The following PRKCG variants were observed in gnomAD, a reference collection of about 807,000 sequenced individuals.
PRKCG encodes the protein protein kinase C gamma type.
A neutral mutation model predicts 82.0 loss-of-function variants in PRKCG; 28 were observed. The ratio of observed to expected loss-of-function variants is 0.34; its 90% CI spans 0.25 to 0.47. The LOEUF (loss-of-function observed/expected upper bound fraction) is 0.47. Ranked by LOEUF, PRKCG falls within the 20% of genes least tolerant of loss-of-function variation. The probability of loss-of-function intolerance (pLI) is 1.00; values close to 1 mark genes in which losing one functional copy is unlikely to be tolerated. For synonymous variants in PRKCG, 383 were observed against 376.6 expected, an observed-to-expected ratio of 1.02 and a Z score of -0.20; for missense variants, 640 against 952.7, an observed-to-expected ratio of 0.67 and a Z score of 4.32.
chr19:53,893,480 CA>C, intron 9 of PRKCG, 89 bp downstream of exon 9: 2 of 1,372,314 alleles, frequency 1.5e-6, no homozygotes, highest in South Asian at 2.3e-5. Context: ...TTCAATTCCC[CA>C]CACATGAGTT....
chr19:53,896,138 A>G (rs2123004971), intron 9 of PRKCG, among the ~76,000 whole-genome samples: 1 of 151,812 alleles, frequency 6.6e-6, no homozygotes, highest in East Asian at 1.9e-4. Context: ...CCAAAGAGGT[A>G]GAGTCTTTTG....
rs970896070 is a variant in PRKCG, at chr19:53,883,016, T to C, written c.171-147T>C. ...AAGAAGGGCTGGGGGCCAAAATTTC[T>C]GGGTTCTAGAAAGAGGAGGTGGCCG... On this transcript the variant is annotated intron_variant, in intron 1 of 17. Coordinates refer to ENST00000263431, the MANE Select transcript of PRKCG (RefSeq NM_002739.5). The surrounding 1 kb of genome is among the most constrained non-coding windows in gnomAD (Gnocchi z 5.4). The C allele has an allele frequency of 2.2e-5, 23 of 1,038,962 alleles. No homozygotes were observed. The Admixed American group carries it at 4.1e-4, about 19-fold the overall frequency. 64.4% of individuals were successfully genotyped at this position (1,038,962 alleles called of 1,614,324 possible). A position where few individuals can be genotyped will look rare whatever the true frequency, so the allele number is the denominator to read the frequency against.
intron 3 of PRKCG, among the ~76,000 whole-genome samples, chr19:53,887,843 A>T (rs2122984635): frequency 6.6e-6 from 1 of 151,978 alleles, no homozygotes; most frequent in East Asian, 1.9e-4. Context: ...AAAAAAAAAA[A>T]AAAAAAAGTA....
At position 53,904,546 on chromosome 19, in the gene PRKCG, A is replaced by G. The variant is rs529593095; in HGVS notation, c.1657-89A>G. On this transcript the variant is annotated intron_variant, in intron 15 of 17. Transcript: ENST00000263431. ...ATGTGGGGCGTGTGATGGGTCAGGC[A>G]TGTTCCCGGTGGGGTGAGGAGGGTG... 2.6e-6 allele frequency: 3 copies of G among 1,135,216 alleles called. No homozygotes were observed. In the South Asian group the frequency reaches 4.0e-5, roughly 15 times the overall value. 70.3% of individuals were successfully genotyped at this position (1,135,216 alleles called of 1,614,324 possible).
intron 14 of PRKCG, 54 bp from the exon 15 acceptor site, chr19:53,903,019 G>C: frequency 7.1e-7 from 1 of 1,408,050 alleles, no homozygotes; most frequent in South Asian, 1.1e-5. Flanking sequence ...GGCCAGAGGG[G>C]TCCTAGGCTT....
At chr19:53,904,122 A>G (rs1280261383) in intron 15 of PRKCG, among the ~76,000 whole-genome samples, 1 of 152,050 alleles carries the variant, frequency 6.6e-6, no homozygotes, top group Non-Finnish European at 1.5e-5. Context: ...TTGGCCGGAC[A>G]TGGTGGCTCA....
Position 53,892,486 on chromosome 19 carries a change from C to T in PRKCG, c.687-23C>T. 1.2e-6 allele frequency: 2 copies of T among 1,606,112 alleles called. No homozygotes were observed. Among genetic ancestry groups the T allele is most frequent in the Non-Finnish European group, 1.7e-6 (2 of 1,178,138 alleles). On this transcript the variant is annotated intron_variant, in intron 6 of 17. Transcript: ENST00000263431. The surrounding 1 kb of genome is among the most constrained non-coding windows in gnomAD (Gnocchi z 5.9). ...GGAGCCATGAGCTCGGCTCTGCACC[C>T]CATCCACCCCACCTTCCTGCAGCAA... is the stretch of plus-strand genomic sequence containing the variant.
At chr19:53,894,344 C>T (rs1468421073) in intron 9 of PRKCG, among the ~76,000 whole-genome samples, 1 of 151,814 alleles carries the variant, frequency 6.6e-6, no homozygotes, top group African/African-American at 2.4e-5. Context: ...GGATTACAGG[C>T]GTGAGCCACC....
At chr19:53,898,913 T>G in intron 11 of PRKCG, among the ~76,000 whole-genome samples, 1 of 66,826 alleles carries the variant, frequency 1.5e-5, no homozygotes, top group South Asian at 6.6e-4. Flanking sequence ...GAGGGACTCA[T>G]CGGGGGCGTG....
chr19:53,882,673 A>G lies in PRKCG; in HGVS notation c.170+9A>G, dbSNP rs2068601734. On this transcript the variant is annotated intron_variant, in intron 1 of 17. Coordinates refer to ENST00000263431, the MANE Select transcript of PRKCG (RefSeq NM_002739.5). The surrounding 1 kb of genome is among the most constrained non-coding windows in gnomAD (Gnocchi z 6.1). ...TGCACCGACTTCATCTGGTGAGGGA[A>G]GGGGGCTGGGGGACTGGGGGACGAG... is the stretch of plus-strand genomic sequence containing the variant. 9.9e-7 allele frequency: 1 copy of G among 1,006,108 alleles called. No individual in the cohort carries two copies. The highest frequency in any genetic ancestry group is 1.4e-6 in the Non-Finnish European group (1 of 691,514). The allele number at this position is 1,006,108 out of a possible 1,614,324, so 62.3% of individuals were successfully genotyped here. A position where few individuals can be genotyped will look rare whatever the true frequency, so the allele number is the denominator to read the frequency against.
chr19:53,881,105 A>T (rs113836142), upstream of PRKCG, among the ~76,000 whole-genome samples: 758 of 81,026 alleles, frequency 9.4e-3, 10 homozygotes, highest in African/African-American at 0.025. Context: ...ACTGAGTCAT[A>T]GACAGGAGAG....
Position 53,906,587 on chromosome 19 carries a change from G to A in PRKCG, c.1906-120G>A, listed in dbSNP as rs1409535040. The A allele has an allele frequency of 2.6e-6, 4 of 1,556,852 alleles. No individual in the cohort carries two copies. In the East Asian group the frequency reaches 9.0e-5, roughly 35 times the overall value. ...CCCGCCCCCAACAAAAGGAGGTGCA[G>A]ACACCATGAAGCATGAATAGAGATT... On this transcript the variant is annotated intron_variant, in intron 17 of 17. Transcript: ENST00000263431.
intron 9 of PRKCG, among the ~76,000 whole-genome samples, chr19:53,895,590 G>A (rs906445884): frequency 4.6e-5 from 7 of 151,998 alleles, no homozygotes; most frequent in Admixed American, 3.9e-4. Context: ...TTTCACCAGA[G>A]TTTTTAATGT....
chr19:53,906,324 C>T lies in PRKCG; in HGVS notation c.1772C>T (p.Thr591Ile). The T allele has an allele frequency of 6.4e-7, 1 of 1,551,432 alleles. No individual in the cohort carries two copies. The highest frequency in any genetic ancestry group is 8.7e-7 in the Non-Finnish European group (1 of 1,146,958). ...EAVAICKGFL[T>I]KHPGKRLGSG... Reference sequence around the variant, plus strand: ...TCTCTGTGTTTCCCACAGTTCCTGACCAAGCACCCAGGGAAGCGCCTGGGC... The same window carrying T: ...TCTCTGTGTTTCCCACAGTTCCTGATCAAGCACCCAGGGAAGCGCCTGGGC... Residue 591 changes from threonine (T) to isoleucine (I), a missense_variant, in exon 17 of 18, where the codon ACC (threonine) becomes ATC (isoleucine). Around this residue, in one of 7 missense-constraint regions of PRKCG, gnomAD observed 198 missense variants for 273.4 expected, o/e 0.72. Coordinates refer to ENST00000263431, the MANE Select transcript of PRKCG (RefSeq NM_002739.5).
At position 53,892,359 on chromosome 19, in the gene PRKCG, C is replaced by A; in HGVS notation, c.687-150C>A. ...CCCAAAGCCCTAGCTGGAGAGAGAG[C>A]CCGGCTGGGAAGGTCAGAGGTCGGA... On this transcript the variant is annotated intron_variant, in intron 6 of 17. Transcript: ENST00000263431. This position sits in a 1 kb window ranked among gnomAD's most constrained non-coding sequence, Gnocchi z 5.9. The A allele has an allele frequency of 8.3e-7, 1 of 1,200,924 alleles. No homozygotes were observed. The highest frequency in any genetic ancestry group is 2.2e-5 in the Admixed American group (1 of 44,662). The allele number at this position is 1,200,924 out of a possible 1,614,324, so 74.4% of individuals were successfully genotyped here.
Position 53,884,048 on chromosome 19 carries a change from C to T in PRKCG, c.203-113C>T. On this transcript the variant is annotated intron_variant, in intron 2 of 17. Transcript: ENST00000263431. The surrounding 1 kb of genome is among the most constrained non-coding windows in gnomAD (Gnocchi z 4.6). Reference sequence around the variant, plus strand: ...TCTCTGTGTTGAGATCCCTCTCTTTCTGGTTTTCTCAGTGTCCGAGTTCCG... The same window carrying T: ...TCTCTGTGTTGAGATCCCTCTCTTTTTGGTTTTCTCAGTGTCCGAGTTCCG... 2 of 1,006,262 alleles carry T rather than the reference C, an allele frequency of 2.0e-6. No homozygotes were observed. The highest frequency in any genetic ancestry group is 3.1e-6 in the Non-Finnish European group (2 of 647,354). 62.3% of individuals were successfully genotyped at this position (1,006,262 alleles called of 1,614,324 possible). A position where few individuals can be genotyped will look rare whatever the true frequency, so the allele number is the denominator to read the frequency against.
Position 53,884,165 on chromosome 19 carries a change from C to T in PRKCG, c.207C>T (p.Cys69=), listed in dbSNP as rs307955. ...IGKQGLQCQV[C]SFVVHRRCHE... is the part of the protein sequence containing the mutation. ...CTCTATGATTTTCATCTATAGTCTG[C>T]AGCTTTGTGGTTCATCGACGATGCC... Residue 69 remains cysteine (C), a synonymous_variant, in exon 3 of 18, where the codon TGC becomes TGT. Coordinates refer to ENST00000263431, the MANE Select transcript of PRKCG (RefSeq NM_002739.5). This position sits in a 1 kb window ranked among gnomAD's most constrained non-coding sequence, Gnocchi z 4.6. 38,267 of 1,613,944 alleles carry T rather than the reference C, an allele frequency of 0.024. 541 individuals are homozygous for T. Among genetic ancestry groups the T allele is most frequent in the African/African-American group, 0.059 (4,400 of 75,028 alleles).
rs532324081 is a variant in PRKCG, at chr19:53,900,039, G to A, written c.1282-194G>A. On this transcript the variant is annotated intron_variant, in intron 11 of 17. Coordinates refer to ENST00000263431, the MANE Select transcript of PRKCG (RefSeq NM_002739.5). This position sits in a 1 kb window ranked among gnomAD's most constrained non-coding sequence, Gnocchi z 4.2. The stretch of plus-strand genomic sequence containing the variant: ...CAGAACACGTGGTCTGATAGTTGGC[G>A]GTGGTCTGGCGGGTGGAGATTCTGA... Among the ~76,000 whole-genome samples, 161 of 152,276 alleles carry A rather than the reference G, an allele frequency of 1.1e-3. 1 individual carries two copies. Among genetic ancestry groups the A allele is most frequent in the Non-Finnish European group, 1.8e-3 (122 of 68,020 alleles).
In PRKCG at chr19:53,897,966, G is replaced by A. The variant is rs149973611; in HGVS notation, c.947G>A (p.Arg316Gln). ...TCTTTCTCCTTTCCACAGCGGGTGC[G>A]GATGGGCCCCTCTTCCTCTCCCATC... The part of the protein sequence containing the change: ...NYPLELYERV[R>Q]MGPSSSPIPS... The change falls in exon 10 of 18, where the codon CGG becomes CAG. Residue 316 changes from arginine to glutamine, a missense_variant. Arg to Gln is a conservative substitution (Grantham distance 43, BLOSUM62 1). Transcript: ENST00000263431. The A allele has an allele frequency of 3.3e-5, 53 of 1,613,930 alleles. No homozygotes were observed. Among genetic ancestry groups the A allele is most frequent in the Non-Finnish European group, 3.6e-5 (43 of 1,180,020 alleles).
Sources: allele counts gnomAD v4.1 joint callset (sites outside exome capture counted in the v4.1 genomes callset), GRCh38; gene constraint gnomAD v4.1.1; regional missense constraint gnomAD v4.1.1; non-coding constraint Gnocchi (gnomAD v3.1); transcripts MANE v1.5; gene names NCBI Gene and HGNC (gene_info 2026-07-23, HGNC 2026-07-21).